ANKRD6: variants seen among roughly 807,000 people sequenced by gnomAD.
ANKRD6 encodes the protein ankyrin repeat domain-containing protein 6.
Under a neutral mutation model 82.3 loss-of-function variants are expected in ANKRD6, and 56 were observed. The observed-to-expected ratio is 0.68, with a 90% confidence interval of 0.55 to 0.85. ANKRD6 has a LOEUF of 0.85. Among genes scored for constraint, ANKRD6 ranks in the 40% least tolerant of loss-of-function variants. The pLI, the probability that ANKRD6 is intolerant of heterozygous loss-of-function variation, is 0.00. For missense variants in ANKRD6, 852 were observed against 907.6 expected (o/e 0.94, Z 0.79); for synonymous variants, 347 against 352.1 (o/e 0.99, Z 0.16).
chr6:89,624,009 G>T lies in ANKRD6; in HGVS notation c.1170G>T (p.Ala390=), dbSNP rs368985230. Reference sequence around the variant, plus strand: ...CACCCCCACCCCATGAGTTCAGGGCGTATCAGCTCTACACATTGTACCGGG... The same window carrying T: ...CACCCCCACCCCATGAGTTCAGGGCTTATCAGCTCTACACATTGTACCGGG... ...SSPPPPHEFR[A]YQLYTLYRGK... Residue 390 remains alanine, a synonymous_variant, in exon 12 of 16, where the codon GCG becomes GCT. Coordinates refer to ENST00000339746, the MANE Select transcript of ANKRD6 (RefSeq NM_001242809.2). 90 of 1,608,260 alleles carry T rather than the reference G, an allele frequency of 5.6e-5. No individual in the cohort carries two copies. The Admixed American group carries it at 1.5e-3, about 26-fold the overall frequency.
At chr6:89,482,573 T>G (rs1414154961) in intron 1 of ANKRD6, among the ~76,000 whole-genome samples, 1 of 151,562 alleles carries the variant, frequency 6.6e-6, no homozygotes, top group Non-Finnish European at 1.5e-5. Flanking sequence ...ACCCACTACG[T>G]AGGCTACCCT....
At chr6:89,495,449 GC>G (rs1427393523) in intron 1 of ANKRD6, among the ~76,000 whole-genome samples, 1 of 152,178 alleles carries the variant, frequency 6.6e-6, no homozygotes, top group African/African-American at 2.4e-5. Context: ...CCAGGGCTGA[GC>G]CCAGTACAGC....
intron 1 of ANKRD6, among the ~76,000 whole-genome samples, chr6:89,477,106 G>A (rs1400067449): frequency 1.3e-5 from 2 of 151,966 alleles, no homozygotes; most frequent in African/African-American, 2.4e-5. Context: ...TACCACGCCC[G>A]GCTAATTTTT....
At chr6:89,523,880 G>GAATA (rs1176141921) in intron 1 of ANKRD6, among the ~76,000 whole-genome samples, 2 of 152,040 alleles carry the variant, frequency 1.3e-5, no homozygotes, top group Non-Finnish European at 2.9e-5. Context: ...TAGTATCAAA[G>GAATA]AATAATCCTA....
intron 1 of ANKRD6, among the ~76,000 whole-genome samples, chr6:89,454,138 T>C (rs1582679058): frequency 6.6e-6 from 1 of 152,082 alleles, no homozygotes; most frequent in East Asian, 1.9e-4. Flanking sequence ...GCTGGTGTCA[T>C]TTCTTCATTT....
chr6:89,551,878 G>A (rs2128033269), intron 1 of ANKRD6, among the ~76,000 whole-genome samples: 2 of 152,288 alleles, frequency 1.3e-5, no homozygotes, highest in Middle Eastern at 6.8e-3. Flanking sequence ...AAATATCCCT[G>A]GGGCTGATTC....
intron 1 of ANKRD6, among the ~76,000 whole-genome samples, chr6:89,504,293 G>A (rs1354137639): frequency 6.6e-6 from 1 of 152,134 alleles, no homozygotes; most frequent in East Asian, 1.9e-4. Context: ...GGGATGCTGT[G>A]AGGTTAAATG....
At chr6:89,629,645 T>A (rs1462754985) in intron 15 of ANKRD6, among the ~76,000 whole-genome samples, 1 of 152,218 alleles carries the variant, frequency 6.6e-6, no homozygotes, top group African/African-American at 2.4e-5. Flanking sequence ...TTTGTCCAAC[T>A]ATGCAAATCC....
chr6:89,582,074 C>T (rs1353712362), intron 2 of ANKRD6, among the ~76,000 whole-genome samples: 1 of 152,182 alleles, frequency 6.6e-6, no homozygotes, highest in Non-Finnish European at 1.5e-5. Flanking sequence ...GGAAGATTAA[C>T]ATATGGTGCT....
intron 1 of ANKRD6, among the ~76,000 whole-genome samples, chr6:89,455,401 G>A (rs1056059444): frequency 6.6e-6 from 1 of 152,010 alleles, no homozygotes; most frequent in African/African-American, 2.4e-5. Flanking sequence ...GAGCCAGAGT[G>A]GAGGAGGTGC....
At chr6:89,601,971 A>G (rs1231539712) in intron 3 of ANKRD6, 1 of 152,182 alleles carries the variant, frequency 6.6e-6, no homozygotes. Flanking sequence ...GAAACTTCAC[A>G]AAACTCTGAC....
chr6:89,602,901 T>G, intron 3 of ANKRD6, 128 bp from the exon 4 acceptor site: 1 of 710,244 alleles, frequency 1.4e-6, no homozygotes, highest in South Asian at 1.9e-5. Context: ...AACCAAGCCC[T>G]TCTGCGAATA....
chr6:89,611,469 C>A (rs192237653), intron 5 of ANKRD6, among the ~76,000 whole-genome samples: 1 of 152,340 alleles, frequency 6.6e-6, no homozygotes, highest in Admixed American at 6.5e-5. Context: ...GGGTTATCAG[C>A]GGCCTCACAT....
At chr6:89,574,396 T>C (rs1471339395) in intron 2 of ANKRD6, among the ~76,000 whole-genome samples, 1 of 152,188 alleles carries the variant, frequency 6.6e-6, no homozygotes, top group Non-Finnish European at 1.5e-5. Flanking sequence ...ATTAGGCCAA[T>C]CATGACAGGA....
chr6:89,467,304 G>A (rs1216901558), intron 1 of ANKRD6, among the ~76,000 whole-genome samples: 1 of 152,044 alleles, frequency 6.6e-6, no homozygotes, highest in East Asian at 1.9e-4. Flanking sequence ...TAGTATATGG[G>A]GTATATTATT....
intron 1 of ANKRD6, among the ~76,000 whole-genome samples, chr6:89,492,813 C>G (rs1562630387): frequency 6.6e-6 from 1 of 152,008 alleles, no homozygotes; most frequent in Non-Finnish European, 1.5e-5. Flanking sequence ...CTTTAGTGAG[C>G]TAGAATTTAA....
rs372709456 is a variant in ANKRD6, at chr6:89,510,940, TGC to T, written c.-143-55893_-143-55892del. Among the ~76,000 whole-genome samples, 479 of 152,250 alleles carry T rather than the reference TGC, an allele frequency of 3.1e-3. 4 individuals are homozygous for T. Among genetic ancestry groups the T allele is most frequent in the African/African-American group, 0.011 (456 of 41,552 alleles). The stretch of plus-strand genomic sequence containing the variant: ...AGAGCCGGATGGTGATGGCTGGTGT[TGC>T]TTAGCATTGCCCTGGACAGGGAATA... On this transcript the variant is annotated intron_variant, in intron 1 of 15. Coordinates refer to ENST00000339746, the MANE Select transcript of ANKRD6 (RefSeq NM_001242809.2).
chr6:89,623,678 A>G (rs922914972), intron 11 of ANKRD6, 134 bp downstream of exon 11: 1 of 1,365,316 alleles, frequency 7.3e-7, no homozygotes, highest in Non-Finnish European at 9.8e-7. Context: ...CACAGAAATT[A>G]AATCTGGCTA....
rs1477577150 is a variant in ANKRD6 at position 89,624,656 on chromosome 6, A to G, written c.1336A>G (p.Lys446Glu). The G allele has an allele frequency of 6.3e-7, 1 of 1,598,734 alleles. No homozygotes were observed. The highest frequency in any genetic ancestry group is 1.7e-5 in the Admixed American group (1 of 58,062). Reference sequence around the variant, plus strand: ...ATCGGTTCAGGACAAAATGAATACAAAGCTGGGGCAGATGGAGAATAAGAC... The same window carrying G: ...ATCGGTTCAGGACAAAATGAATACAGAGCTGGGGCAGATGGAGAATAAGAC... ...LGSVQDKMNT[K>E]LGQMENKTQH... Residue 446 changes from lysine to glutamate, a missense_variant, in exon 13 of 16, where the codon AAG becomes GAG. Physicochemically the swap from Lys to Glu is moderately conservative, Grantham distance 56. Transcript: ENST00000339746.
Sources: gnomAD v4.1 joint callset for allele counts (sites outside exome capture counted in the v4.1 genomes callset) on GRCh38, gnomAD v4.1.1 for gene constraint, MANE v1.5 for transcripts, NCBI Gene and HGNC (gene_info 2026-07-23, HGNC 2026-07-21) for gene names.